PCDH9: variants seen among roughly 807,000 people sequenced by gnomAD.
PCDH9 encodes protocadherin-9.
Under a neutral mutation model 70.6 loss-of-function variants are expected in PCDH9, and 24 were observed. The ratio of observed to expected loss-of-function variants is 0.34; its 90% CI spans 0.25 to 0.48. The LOEUF is 0.48. PCDH9 is among the 20% of genes least tolerant of loss of function. The pLI, the probability that PCDH9 is intolerant of heterozygous loss-of-function variation, is 0.99. For missense variants in PCDH9, 1,281 were observed against 1,503.6 expected (o/e 0.85, Z 2.45); for synonymous variants, 562 against 558.5 (o/e 1.01, Z -0.09).
chr13:66,447,979 C>T (rs918059382), intron 4 of PCDH9, among the ~76,000 whole-genome samples: 1 of 152,094 alleles, frequency 6.6e-6, no homozygotes, highest in African/African-American at 2.4e-5. Context: ...ATTGTGTGAA[C>T]CTCACTGTTG....
chr13:67,225,853 T>A lies in PCDH9; in HGVS notation c.2588A>T (p.Asn863Ile), dbSNP rs762335291. ...GAEWMSPNQE[N>I]KQNKKKKRKK... ...TCTTTTCTTTTTCTTGTTTTGCTTGTTCTCCTGGTTTGGGGACATCCATTC... is the reference window on the plus strand; with the variant it reads ...TCTTTTCTTTTTCTTGTTTTGCTTGATCTCCTGGTTTGGGGACATCCATTC... The change falls in exon 2 of 5, where the codon AAC becomes ATC. Residue 863 changes from asparagine to isoleucine, a missense_variant. Around this residue, in one of 4 missense-constraint regions of PCDH9, gnomAD observed 207 missense variants for 191.8 expected, o/e 1.08. Coordinates refer to ENST00000377865, the MANE Select transcript of PCDH9 (RefSeq NM_203487.3). 1 of 1,614,118 alleles carries A rather than the reference T, an allele frequency of 6.2e-7. No homozygotes were observed. The highest frequency in any genetic ancestry group is 8.5e-7 in the Non-Finnish European group (1 of 1,180,028).
intron 3 of PCDH9, among the ~76,000 whole-genome samples, chr13:66,839,599 C>G (rs1015316173): frequency 6.6e-6 from 1 of 152,180 alleles, no homozygotes; most frequent in Non-Finnish European, 1.5e-5. Flanking sequence ...ATCTTCATCT[C>G]CCTGTCTCCA....
At chr13:66,814,445 T>A (rs1268919240) in intron 3 of PCDH9, among the ~76,000 whole-genome samples, 1 of 152,168 alleles carries the variant, frequency 6.6e-6, no homozygotes, top group East Asian at 1.9e-4. Flanking sequence ...GTAAAAGCTA[T>A]TAAATGTCTA....
chr13:66,733,926 A>T (rs980992395), intron 3 of PCDH9, among the ~76,000 whole-genome samples: 1 of 152,166 alleles, frequency 6.6e-6, no homozygotes, highest in Non-Finnish European at 1.5e-5. Context: ...TGCAGTAGGT[A>T]ATTTGGCTTT....
At chr13:66,908,721 C>T (rs78114166) in intron 2 of PCDH9, among the ~76,000 whole-genome samples, 2,406 of 152,036 alleles carry the variant, frequency 0.016, 69 homozygotes, top group African/African-American at 0.053. Flanking sequence ...CCTATACTCA[C>T]AGCCTTTTCT....
chr13:67,001,161 C>T (rs1490621416), intron 2 of PCDH9, among the ~76,000 whole-genome samples: 2 of 152,044 alleles, frequency 1.3e-5, no homozygotes, highest in Admixed American at 6.6e-5. Flanking sequence ...ACTAGAGAGC[C>T]GATAAGCTTG....
chr13:67,189,129 TATATATATGA>T (rs1455045634), intron 2 of PCDH9, among the ~76,000 whole-genome samples: 1 of 151,922 alleles, frequency 6.6e-6, no homozygotes, highest in East Asian at 1.9e-4. Context: ...TTCCTTCATA[TATATATATGA>T]AGGAATACAC....
At chr13:67,218,368 T>A (rs1197240585) in intron 2 of PCDH9, 1 of 152,070 alleles carries the variant, frequency 6.6e-6, no homozygotes, top group African/African-American at 2.4e-5. Flanking sequence ...GCAAAGTAAC[T>A]AGCACTGGGA....
chr13:66,993,803 C>T (rs17791025), intron 2 of PCDH9, among the ~76,000 whole-genome samples: 47,042 of 151,900 alleles, frequency 0.31, 8,085 homozygotes, highest in Middle Eastern at 0.42. Context: ...GATCAGAATT[C>T]TATAATCATT....
intron 3 of PCDH9, among the ~76,000 whole-genome samples, chr13:66,869,228 G>C (rs1483658264): frequency 6.6e-6 from 1 of 152,078 alleles, no homozygotes; most frequent in Non-Finnish European, 1.5e-5. Context: ...AATTAAAGCT[G>C]ATTTTAACAA....
chr13:66,813,863 T>C (rs1304014001), intron 3 of PCDH9, among the ~76,000 whole-genome samples: 3 of 152,032 alleles, frequency 2.0e-5, no homozygotes, highest in Non-Finnish European at 1.5e-5. Context: ...TTTTAGATAA[T>C]TGGTCTAAAT....
At chr13:66,306,711 AAC>A (rs1955472911) in intron 4 of PCDH9, among the ~76,000 whole-genome samples, 1 of 151,910 alleles carries the variant, frequency 6.6e-6, no homozygotes, top group Non-Finnish European at 1.5e-5. Flanking sequence ...CTCAAGAGCA[AAC>A]AGTTTTATTT....
chr13:66,874,944 A>T (rs12873803), intron 3 of PCDH9, among the ~76,000 whole-genome samples: 23,209 of 88,664 alleles, frequency 0.26, 1,892 homozygotes, highest in African/African-American at 0.35. Context: ...TGTGTGTGTG[A>T]GAGAGAGAGA....
chr13:67,165,852 A>T (rs966027132), intron 2 of PCDH9, among the ~76,000 whole-genome samples: 2 of 152,180 alleles, frequency 1.3e-5, no homozygotes, highest in African/African-American at 4.8e-5. Context: ...TAGTGTAACA[A>T]ATCATATTTG....
intron 2 of PCDH9, among the ~76,000 whole-genome samples, chr13:67,020,193 A>G (rs532866110): frequency 6.6e-6 from 1 of 152,284 alleles, no homozygotes; most frequent in South Asian, 2.1e-4. Context: ...CTATGGGGAA[A>G]AAAAGCAAAA....
intron 4 of PCDH9, among the ~76,000 whole-genome samples, chr13:66,482,583 C>G (rs917083451): frequency 6.6e-6 from 1 of 152,160 alleles, no homozygotes; most frequent in Non-Finnish European, 1.5e-5. Flanking sequence ...TACTGCTACC[C>G]CAAATACAGT....
chr13:66,566,431 G>A (rs992573464), intron 4 of PCDH9, among the ~76,000 whole-genome samples: 1 of 152,086 alleles, frequency 6.6e-6, no homozygotes, highest in African/African-American at 2.4e-5. Flanking sequence ...GTCTCCCTTA[G>A]ATATTTTTGT....
chr13:66,925,560 G>A (rs1022136325), intron 2 of PCDH9, among the ~76,000 whole-genome samples: 1 of 151,814 alleles, frequency 6.6e-6, no homozygotes, highest in Admixed American at 6.6e-5. Flanking sequence ...GCTGACATAT[G>A]TAGTCTTCAC....
chr13:66,579,649 A>T (rs1346582674), intron 4 of PCDH9, among the ~76,000 whole-genome samples: 1 of 152,114 alleles, frequency 6.6e-6, no homozygotes, highest in Non-Finnish European at 1.5e-5. Context: ...AGTCAGTTAG[A>T]TTAGACATAT....
Sources: allele counts gnomAD v4.1 joint callset (sites outside exome capture counted in the v4.1 genomes callset), GRCh38; gene constraint gnomAD v4.1.1; regional missense constraint gnomAD v4.1.1; transcripts MANE v1.5; gene names NCBI Gene and HGNC (gene_info 2026-07-23, HGNC 2026-07-21).